NMT1: variants seen among roughly 807,000 people sequenced by gnomAD.
NMT1 encodes the protein glycylpeptide N-tetradecanoyltransferase 1.
NMT1 carries 12 observed loss-of-function variants against 63.4 expected under a neutral mutation model. That is an observed-to-expected ratio of 0.19 (90% CI 0.12 to 0.31). The LOEUF (loss-of-function observed/expected upper bound fraction) is 0.31, where lower values mean the gene tolerates loss of function less well. NMT1 is among the 10% of genes least tolerant of loss of function. The probability of loss-of-function intolerance (pLI) is 1.00; values close to 1 mark genes in which losing one functional copy is unlikely to be tolerated. For synonymous variants in NMT1, 228 were observed against 234.3 expected, an observed-to-expected ratio of 0.97 and a Z score of 0.25; for missense variants, 432 against 634.6, an observed-to-expected ratio of 0.68 and a Z score of 3.43.
intron 8 of NMT1, among the ~76,000 whole-genome samples, chr17:45,102,675 C>T (rs1473851229): frequency 6.6e-6 from 1 of 152,208 alleles, no homozygotes; most frequent in Non-Finnish European, 1.5e-5. Context: ...GAGTTTGAAA[C>T]AAGGGTGGAG....
chr17:45,081,013 C>T (rs748098569), intron 1 of NMT1, among the ~76,000 whole-genome samples: 3 of 152,328 alleles, frequency 2.0e-5, no homozygotes, highest in East Asian at 3.9e-4. Context: ...AGTGATCCAC[C>T]TGCCTCGGCC....
intron 3 of NMT1, among the ~76,000 whole-genome samples, chr17:45,088,261 T>C (rs1390538646): frequency 6.6e-6 from 1 of 152,236 alleles, no homozygotes; most frequent in African/African-American, 2.4e-5. Context: ...AGTTTCTCGC[T>C]GAGGAGCAGG....
intron 5 of NMT1, 150 bp downstream of exon 5, chr17:45,096,435 T>A: frequency 3.0e-6 from 2 of 677,554 alleles, no homozygotes; most frequent in Non-Finnish European, 5.3e-6. Flanking sequence ...GAAGGACACT[T>A]GCTTTCATTA....
rs779037696 is a variant in NMT1, at chr17:45,096,175, G to T, written c.505-19G>T. On this transcript the variant is annotated intron_variant, in intron 4 of 11. Coordinates refer to ENST00000258960, the MANE Select transcript of NMT1 (RefSeq NM_021079.5). The stretch of plus-strand genomic sequence containing the variant: ...TACCTGGCAGAATACCTCCAAGTGA[G>T]CTGCTTATTTCTTTACAGCTAAAAG... 23 of 1,589,666 alleles carry T rather than the reference G, an allele frequency of 1.4e-5. No homozygotes were observed. Among genetic ancestry groups the T allele is most frequent in the Non-Finnish European group, 1.9e-5 (22 of 1,157,674 alleles).
intron 1 of NMT1, among the ~76,000 whole-genome samples, chr17:45,063,233 A>T (rs958795485): frequency 4.0e-5 from 6 of 148,974 alleles, no homozygotes; most frequent in African/African-American, 1.2e-4. Flanking sequence ...AAAAAATCAC[A>T]GGAAGAAAGT....
chr17:45,062,181 C>T (rs1183362992), intron 1 of NMT1, among the ~76,000 whole-genome samples: 1 of 152,182 alleles, frequency 6.6e-6, no homozygotes, highest in Non-Finnish European at 1.5e-5. Flanking sequence ...CTCCATACTG[C>T]CTATCCTGTA....
Position 45,093,559 on chromosome 17 carries a change from C to T in NMT1, c.386-126C>T, listed in dbSNP as rs117864640. 1.6e-5 allele frequency: 11 copies of T among 699,590 alleles called. No individual in the cohort carries two copies. In the East Asian group the frequency reaches 3.0e-4, roughly 19 times the overall value. The allele number at this position is 699,590 out of a possible 1,614,324, so 43.3% of individuals were successfully genotyped here. On this transcript the variant is annotated intron_variant, in intron 3 of 11. Coordinates refer to ENST00000258960, the MANE Select transcript of NMT1 (RefSeq NM_021079.5). ...AAAGACGGTTTGCAGTTGCCAAGCA[C>T]AGAATGTTCTTCAGATAGAGGGCTC...
At chr17:45,099,286 T>C in intron 7 of NMT1, 119 bp from the exon 8 acceptor site, 1 of 717,556 alleles carries the variant, frequency 1.4e-6, no homozygotes, top group Non-Finnish European at 2.6e-6. Flanking sequence ...CACCACTGAC[T>C]CCGGAGGCAC....
At position 45,107,062 on chromosome 17, in the gene NMT1, C is replaced by T. The variant is rs936279227; in HGVS notation, c.*1423C>T. 1.3e-5 allele frequency: 2 copies of T among 152,192 alleles called. No individual in the cohort carries two copies. Among genetic ancestry groups the T allele is most frequent in the Non-Finnish European group, 2.9e-5 (2 of 68,046 alleles). 9.4% of individuals were successfully genotyped at this position (152,192 alleles called of 1,614,324 possible). A position where few individuals can be genotyped will look rare whatever the true frequency, so the allele number is the denominator to read the frequency against. On this transcript the variant is annotated 3_prime_UTR_variant, in exon 12 of 12. Coordinates refer to ENST00000258960, the MANE Select transcript of NMT1 (RefSeq NM_021079.5). The stretch of plus-strand genomic sequence containing the variant: ...AAGTGGTGGGAAGGAGGTAGCATGA[C>T]GTGTGGTGTGCGGGTTTCCTTGCTG...
intron 4 of NMT1, among the ~76,000 whole-genome samples, chr17:45,095,410 C>T (rs1187208773): frequency 6.6e-6 from 1 of 152,114 alleles, no homozygotes; most frequent in Non-Finnish European, 1.5e-5. Context: ...ACCGGGCCAA[C>T]AGAATTTTTT....
chr17:45,097,281 C>G (rs778937700), intron 6 of NMT1, 37 bp downstream of exon 6: 27 of 1,425,470 alleles, frequency 1.9e-5, no homozygotes, highest in Non-Finnish European at 2.7e-5. Flanking sequence ...CCCACAACAC[C>G]GCCATCCTGC....
intron 1 of NMT1, among the ~76,000 whole-genome samples, chr17:45,074,863 C>T (rs185767869): frequency 1.1e-4 from 17 of 152,268 alleles, no homozygotes; most frequent in Non-Finnish European, 2.2e-4. Context: ...TTCAGTGTGC[C>T]GAATCGCAGC....
At chr17:45,093,181 C>T (rs1009342227) in intron 3 of NMT1, among the ~76,000 whole-genome samples, 5 of 152,236 alleles carry the variant, frequency 3.3e-5, no homozygotes, top group African/African-American at 1.2e-4. Context: ...AGTTAACTGG[C>T]TCACGCTGCT....
At position 45,105,533 on chromosome 17, in the gene NMT1, C is replaced by T; in HGVS notation, c.1471-86C>T. The T allele has an allele frequency of 6.7e-7, 1 of 1,489,402 alleles. No homozygotes were observed. The highest frequency in any genetic ancestry group is 1.4e-5 in the African/African-American group (1 of 72,250). The allele number at this position is 1,489,402 out of a possible 1,614,324, so 92.3% of individuals were successfully genotyped here. ...CACAGGCGGTGGACCCGGGCCCAGC[C>T]ACTCGGAACTTCAGGGATAGGGGGT... On this transcript the variant is annotated intron_variant, in intron 11 of 11. Transcript: ENST00000258960. This position sits in a 1 kb window ranked among gnomAD's most constrained non-coding sequence, Gnocchi z 4.2.
intron 2 of NMT1, among the ~76,000 whole-genome samples, chr17:45,085,738 A>G (rs868651813): frequency 2.3e-4 from 35 of 152,140 alleles, no homozygotes; most frequent in African/African-American, 8.0e-4. Context: ...CTCATTGTCA[A>G]CCACTTTTTC....
rs36075240 is a variant in NMT1, at chr17:45,095,110, C to CT, written c.505-1070dup. On this transcript the variant is annotated intron_variant, in intron 4 of 11. Transcript: ENST00000258960. Reference sequence around the variant, plus strand: ...ACAGGCATGAGCCACTGCGCCCAGTCTTTTTTTTTTTTTTGAGATGGAGTC... The same window carrying CT: ...ACAGGCATGAGCCACTGCGCCCAGTCTTTTTTTTTTTTTTTGAGATGGAGTC... Among the ~76,000 whole-genome samples the CT allele has an allele frequency of 7.6e-3, 1,075 of 141,860 alleles. 17 individuals are homozygous for CT. Among genetic ancestry groups the CT allele is most frequent in the African/African-American group, 0.023 (885 of 37,902 alleles). 93.1% of individuals were successfully genotyped at this position (141,860 alleles called of 152,430 possible). A position where few individuals can be genotyped will look rare whatever the true frequency, so the allele number is the denominator to read the frequency against.
At chr17:45,090,389 C>T (rs935823095) in intron 3 of NMT1, among the ~76,000 whole-genome samples, 48 of 126,236 alleles carry the variant, frequency 3.8e-4, no homozygotes, top group Admixed American at 3.5e-3. Flanking sequence ...ATCCCCCACT[C>T]GAGATCATGT....
intron 8 of NMT1, among the ~76,000 whole-genome samples, chr17:45,100,238 G>A (rs1439211427): frequency 1.3e-5 from 2 of 152,106 alleles, no homozygotes; most frequent in Non-Finnish European, 2.9e-5. Context: ...ACAGGCGTGT[G>A]CCGCCATGCC....
In NMT1 at chr17:45,101,687, A is replaced by G. The variant is rs114312149; in HGVS notation, c.994-1264A>G. On this transcript the variant is annotated intron_variant, in intron 8 of 11. Coordinates refer to ENST00000258960, the MANE Select transcript of NMT1 (RefSeq NM_021079.5). ...CTCTTTCCTCGGAGTGCTTCTTCCT[A>G]TTGGTCATCAGTGCACACAGTCACT... Among the ~76,000 whole-genome samples, 386 of 150,234 alleles carry G rather than the reference A, an allele frequency of 2.6e-3. 3 individuals carry two copies. The highest frequency in any genetic ancestry group is 8.8e-3 in the African/African-American group (359 of 40,782).
Sources: gnomAD v4.1 joint callset for allele counts (sites outside exome capture counted in the v4.1 genomes callset) on GRCh38, gnomAD v4.1.1 for gene constraint, Gnocchi (gnomAD v3.1) non-coding constraint, MANE v1.5 for transcripts, NCBI Gene and HGNC (gene_info 2026-07-23, HGNC 2026-07-21) for gene names.